MAEL: variants seen among roughly 807,000 people sequenced by gnomAD.
MAEL encodes protein maelstrom homolog.
MAEL carries 46 observed loss-of-function variants against 62.0 expected under a neutral mutation model. That is an observed-to-expected ratio of 0.74 (90% CI 0.59 to 0.95). The LOEUF is 0.95. MAEL is among the 40% of genes least tolerant of loss of function. The pLI is 0.00. For synonymous variants in MAEL, 172 were observed against 175.5 expected (o/e 0.98, Z 0.16); for missense variants, 497 against 526.8 (o/e 0.94, Z 0.55).
chr1:167,021,944 A>G lies in MAEL; in HGVS notation c.*89A>G. ...TATTAAACAGATCACATCAATGACA[A>G]ATGTCACTACTATAAAAACTACTTA... On this transcript the variant is annotated 3_prime_UTR_variant, in exon 12 of 12. Transcript: ENST00000367872. 1 of 803,614 alleles carries G rather than the reference A, an allele frequency of 1.2e-6. No individual in the cohort carries two copies. The highest frequency in any genetic ancestry group is 1.9e-6 in the Non-Finnish European group (1 of 522,238). The allele number at this position is 803,614 out of a possible 1,614,324, so 49.8% of individuals were successfully genotyped here. A position where few individuals can be genotyped will look rare whatever the true frequency, so the allele number is the denominator to read the frequency against.
At chr1:167,016,108 T>G in intron 8 of MAEL, 114 bp from the exon 9 acceptor site, 1 of 884,944 alleles carries the variant, frequency 1.1e-6, no homozygotes, top group Non-Finnish European at 1.9e-6. Flanking sequence ...AATTTGAAGT[T>G]TTAGTCTTCA....
At chr1:167,017,186 ACCAC>A (rs758169496) in intron 9 of MAEL, among the ~76,000 whole-genome samples, 14 of 152,284 alleles carry the variant, frequency 9.2e-5, no homozygotes, top group Non-Finnish European at 2.1e-4. Flanking sequence ...GGATGGATAT[ACCAC>A]CTTCCATGAT....
intron 5 of MAEL, among the ~76,000 whole-genome samples, chr1:166,995,220 G>A (rs1444605828): frequency 2.6e-5 from 4 of 151,830 alleles, no homozygotes; most frequent in East Asian, 1.9e-4. Context: ...AAATGTAAGG[G>A]AGAATTGTTC....
Position 167,005,366 on chromosome 1 carries a change from G to A in MAEL, c.814G>A (p.Val272Met). ...GACTTGGATTCGAAGCCTCCTAGAT[G>A]TGGCCATGTGGGATTATTCTAGCAA... ...SKTWIRSLLD[V>M]AMWDYSSNTR... is the part of the protein sequence containing the mutation. The change falls in exon 8 of 12, where the codon GTG becomes ATG. Residue 272 changes from valine (V) to methionine (M), a missense_variant. Transcript: ENST00000367872. 6.2e-7 allele frequency: 1 copy of A among 1,611,902 alleles called. No homozygotes were observed. The highest frequency in any genetic ancestry group is 8.5e-7 in the Non-Finnish European group (1 of 1,179,172).
chr1:167,020,379 G>A (rs1665573962), intron 10 of MAEL, among the ~76,000 whole-genome samples: 1 of 152,006 alleles, frequency 6.6e-6, no homozygotes, highest in Non-Finnish European at 1.5e-5. Flanking sequence ...CTATGCCTGT[G>A]ACACTAAATG....
Position 167,021,082 on chromosome 1 carries a change from C to T in MAEL, c.1042-3C>T, listed in dbSNP as rs757387635. 6.2e-7 allele frequency: 1 copy of T among 1,606,698 alleles called. No individual in the cohort carries two copies. Among genetic ancestry groups the T allele is most frequent in the Non-Finnish European group, 8.5e-7 (1 of 1,174,106 alleles). ...CCCCCTGGTATTTTCCTGTTACTTA[C>T]AGAAGCTAAGGGTTGGGAGTTCAGG... On this transcript the variant is annotated splice_polypyrimidine_tract_variant and splice_region_variant and intron_variant, in intron 10 of 11. Transcript: ENST00000367872.
intron 8 of MAEL, among the ~76,000 whole-genome samples, chr1:167,013,844 A>G (rs1457594094): frequency 6.6e-6 from 1 of 152,236 alleles, no homozygotes. Flanking sequence ...CTAGAATATG[A>G]AAGGCTTTGC....
Position 167,022,072 on chromosome 1 carries a change from A to G in MAEL, c.*217A>G, listed in dbSNP as rs1665658023. On this transcript the variant is annotated 3_prime_UTR_variant, in exon 12 of 12. Transcript: ENST00000367872. ...AGGGATTGTTCTGCTTCCTGGCTGT[A>G]TGATGGGTATATCATTAAAGTTTGG... is the stretch of plus-strand genomic sequence containing the variant. The G allele has an allele frequency of 8.3e-6, 4 of 479,584 alleles. No individual in the cohort carries two copies. The South Asian group carries it at 1.4e-4, about 16-fold the overall frequency. 29.7% of individuals were successfully genotyped at this position (479,584 alleles called of 1,614,324 possible). A position where few individuals can be genotyped will look rare whatever the true frequency, so the allele number is the denominator to read the frequency against.
chr1:167,018,077 A>G (rs906518695), intron 10 of MAEL, 118 bp downstream of exon 10: 1 of 893,648 alleles, frequency 1.1e-6, no homozygotes, highest in Non-Finnish European at 1.6e-6. Context: ...CTTAAACATT[A>G]TTTTGAAGTA....
At chr1:167,013,253 C>T (rs1438173015) in intron 8 of MAEL, among the ~76,000 whole-genome samples, 1 of 152,202 alleles carries the variant, frequency 6.6e-6, no homozygotes, top group Non-Finnish European at 1.5e-5. Flanking sequence ...GAAGACAAGT[C>T]TTCTGCCTTG....
chr1:166,981,791 T>A (rs1663766140), intron 1 of MAEL, among the ~76,000 whole-genome samples: 1 of 152,058 alleles, frequency 6.6e-6, no homozygotes, highest in African/African-American at 2.4e-5. Context: ...GAGTCAGCAA[T>A]AAGGCTGGAA....
intron 4 of MAEL, 41 bp from the exon 5 acceptor site, chr1:166,993,987 T>G: frequency 1.3e-6 from 2 of 1,573,652 alleles, no homozygotes; most frequent in Non-Finnish European, 1.7e-6. Flanking sequence ...ACTAGAGAAC[T>G]TTAAAATTTT....
intron 5 of MAEL, among the ~76,000 whole-genome samples, chr1:166,999,015 A>C (rs1664549428): frequency 6.6e-6 from 1 of 151,950 alleles, no homozygotes; most frequent in South Asian, 2.1e-4. Flanking sequence ...TGCTCCCCTG[A>C]CTGGCCATTG....
intron 11 of MAEL, 38 bp downstream of exon 11, chr1:167,021,198 A>G (rs764431743): frequency 2.0e-5 from 28 of 1,386,906 alleles, no homozygotes; most frequent in Non-Finnish European, 2.9e-5. Context: ...CACCTAAAGG[A>G]TGTTAGAGCC....
At chr1:167,017,620 C>T (rs1256441002) in intron 9 of MAEL, among the ~76,000 whole-genome samples, 1 of 152,108 alleles carries the variant, frequency 6.6e-6, no homozygotes, top group Non-Finnish European at 1.5e-5. Flanking sequence ...TTTTATCTGG[C>T]AATCAAAAGA....
intron 8 of MAEL, 73 bp from the exon 9 acceptor site, chr1:167,016,149 A>G (rs765163191): frequency 7.1e-6 from 9 of 1,266,332 alleles, no homozygotes; most frequent in South Asian, 2.4e-5. Context: ...GATTTCAGAT[A>G]GAAATCTGGC....
In MAEL at chr1:167,016,248, T is replaced by C. The variant is rs776583710; in HGVS notation, c.872T>C (p.Ile291Thr). The C allele has an allele frequency of 8.7e-6, 14 of 1,613,626 alleles. No individual in the cohort carries two copies. The highest frequency in any genetic ancestry group is 1.3e-5 in the African/African-American group (1 of 74,910). Residue 291 changes from isoleucine to threonine, a missense_variant, in exon 9 of 12, where the codon ATT becomes ACT. By Grantham distance (89) the Ile-to-Thr change is moderately conservative. Coordinates refer to ENST00000367872, the MANE Select transcript of MAEL (RefSeq NM_032858.3). ...TGCAAGTGGCATGAAGAAAATGATA[T>C]TCTCTTCTGTGCTTTAGCTGTTTGC... ...TRCKWHEENDILFCALAVCKK... is the reference protein window; with the variant it reads ...TRCKWHEENDTLFCALAVCKK...
chr1:167,004,225 A>T lies in MAEL; in HGVS notation c.569A>T (p.His190Leu). 1 of 1,610,016 alleles carries T rather than the reference A, an allele frequency of 6.2e-7. No homozygotes were observed. The highest frequency in any genetic ancestry group is 1.1e-5 in the South Asian group (1 of 90,084). Residue 190 changes from histidine (H) to leucine (L), a missense_variant, in exon 6 of 12, where the codon CAT becomes CTT. By Grantham distance (99) the His-to-Leu change is moderately conservative. Transcript: ENST00000367872. ...CCTATTTCAAATTTTGAACGTGGGC[A>T]TAACCAAGCAACTGTGTTACAAAAC... Reference protein sequence around the residue: ...KIPISNFERGHNQATVLQNLY... With the variant: ...KIPISNFERGLNQATVLQNLY...
rs534582823 is a variant in MAEL, at chr1:166,993,918, G to A, written c.482-110G>A. 57 of 706,872 alleles carry A rather than the reference G, an allele frequency of 8.1e-5. No individual in the cohort carries two copies. The South Asian group carries it at 1.2e-3, about 15-fold the overall frequency. 43.8% of individuals were successfully genotyped at this position (706,872 alleles called of 1,614,324 possible). A position where few individuals can be genotyped will look rare whatever the true frequency, so the allele number is the denominator to read the frequency against. ...AAAGTTTAATCTTTTGTATTTTCAT[G>A]TAATAAAAATTACCTTTCTGTGTGA... On this transcript the variant is annotated intron_variant, in intron 4 of 11. Coordinates refer to ENST00000367872, the MANE Select transcript of MAEL (RefSeq NM_032858.3).
Sources: allele counts gnomAD v4.1 joint callset (sites outside exome capture counted in the v4.1 genomes callset), GRCh38; gene constraint gnomAD v4.1.1; transcripts MANE v1.5; gene names NCBI Gene and HGNC (gene_info 2026-07-23, HGNC 2026-07-21).